Variants in KMT2A observed in about 807,000 individuals in gnomAD.
KMT2A encodes the protein histone-lysine N-methyltransferase 2A.
A neutral mutation model predicts 345.3 loss-of-function variants in KMT2A; 16 were observed. That is an observed-to-expected ratio of 0.05 (90% CI 0.03 to 0.07). KMT2A has a LOEUF of 0.07. KMT2A is among the 10% of genes least tolerant of loss of function. The probability of loss-of-function intolerance (pLI) is 1.00; values close to 1 mark genes in which losing one functional copy is unlikely to be tolerated. For missense variants in KMT2A, 3,272 were observed against 4,841.6 expected, an observed-to-expected ratio of 0.68 and a Z score of 9.62; for synonymous variants, 1,599 against 1,778.6, an observed-to-expected ratio of 0.90 and a Z score of 2.54.
chr11:118,457,148 T>C (rs1949659157), intron 1 of KMT2A, among the ~76,000 whole-genome samples: 1 of 151,360 alleles, frequency 6.6e-6, no homozygotes, highest in Non-Finnish European at 1.5e-5. Flanking sequence ...ACTTCTCTCC[T>C]ACCAGAGTCA....
intron 7 of KMT2A, 115 bp downstream of exon 7, chr11:118,482,207 G>A (rs1370341926): frequency 8.3e-7 from 1 of 1,202,906 alleles, no homozygotes; most frequent in African/African-American, 1.5e-5. Flanking sequence ...TTCAGTTCAA[G>A]AAAATCAGCT....
rs573896393 is a variant in KMT2A at position 118,468,869 on chromosome 11, C to G, written c.502+25C>G. 23 of 1,591,930 alleles carry G rather than the reference C, an allele frequency of 1.4e-5. No homozygotes were observed. In the South Asian group the frequency reaches 2.3e-4, roughly 16 times the overall value. ...GGTACGGCCAATTAAGTGCATGGTG[C>G]CTTTTAAGTTTTGTTTGTTAGGAGA... On this transcript the variant is annotated intron_variant, in intron 2 of 35. Coordinates refer to ENST00000534358, the MANE Select transcript of KMT2A (RefSeq NM_001197104.2).
At chr11:118,475,066 G>C (rs1420601277) in intron 3 of KMT2A, among the ~76,000 whole-genome samples, 1 of 152,118 alleles carries the variant, frequency 6.6e-6, no homozygotes, top group Non-Finnish European at 1.5e-5. Flanking sequence ...CCCGGAGGTA[G>C]AGATGGCAGT....
At chr11:118,457,121 A>G (rs1256764765) in intron 1 of KMT2A, among the ~76,000 whole-genome samples, 1 of 152,022 alleles carries the variant, frequency 6.6e-6, no homozygotes, top group Non-Finnish European at 1.5e-5. Flanking sequence ...TGGCAGCAAA[A>G]ATCCAAATCT....
chr11:118,491,856 G>T lies in KMT2A; in HGVS notation c.4932G>T (p.Gln1644His). 1 of 1,614,160 alleles carries T rather than the reference G, an allele frequency of 6.2e-7. No individual in the cohort carries two copies. Among genetic ancestry groups the T allele is most frequent in the Non-Finnish European group, 8.5e-7 (1 of 1,180,030 alleles). ...EWRLALEKELQISLKQVLTAL... is the reference protein window; with the variant it reads ...EWRLALEKELHISLKQVLTAL... ...GACTGGCCCTTGAAAAAGAGCTGCA[G>T]ATTTCTCTGAAGCAAGTTCTGACAG... The change falls in exon 15 of 36, where the codon CAG becomes CAT. Residue 1644 changes from glutamine to histidine, a missense_variant. By Grantham distance (24) the Gln-to-His change is conservative. Transcript: ENST00000534358. The surrounding 1 kb of genome is among the most constrained non-coding windows in gnomAD (Gnocchi z 4.2).
intron 24 of KMT2A, among the ~76,000 whole-genome samples, chr11:118,500,222 G>A (rs1224684335): frequency 6.6e-6 from 1 of 152,152 alleles, no homozygotes; most frequent in Non-Finnish European, 1.5e-5. Context: ...CAGAAGTGCA[G>A]ATTGTTTTTA....
intron 1 of KMT2A, among the ~76,000 whole-genome samples, chr11:118,455,977 C>T (rs1555030737): frequency 6.6e-6 from 1 of 152,172 alleles, no homozygotes; most frequent in African/African-American, 2.4e-5. Context: ...GCATGAGCCA[C>T]TGTGCCCAGC....
At chr11:118,488,382 A>C (rs559565422) in intron 10 of KMT2A, 139 of 540,092 alleles carry the variant, frequency 2.6e-4, no homozygotes, top group Non-Finnish European at 4.1e-4. Flanking sequence ...ATCTTGTATT[A>C]TATTTATTTT....
At position 118,504,553 on chromosome 11, in the gene KMT2A, C is replaced by T. The variant is rs2134399993; in HGVS notation, c.8661C>T (p.Asp2887=). 6.2e-7 allele frequency: 1 copy of T among 1,614,174 alleles called. No individual in the cohort carries two copies. Among genetic ancestry groups the T allele is most frequent in the South Asian group, 1.1e-5 (1 of 91,076 alleles). The change falls in exon 27 of 36, where the codon GAC becomes GAT. Residue 2887 remains aspartate, a synonymous_variant. Coordinates refer to ENST00000534358, the MANE Select transcript of KMT2A (RefSeq NM_001197104.2). The surrounding 1 kb of genome is among the most constrained non-coding windows in gnomAD (Gnocchi z 6.4). ...ATCTTGGTGAAGGATTGGGTCTTGA[C>T]AGTAATCGTGAAAAAGACATGGGTC... The part of the protein sequence containing the change: ...LLNLGEGLGL[D]SNREKDMGLF...
chr11:118,495,833 A>G lies in KMT2A; in HGVS notation c.5497A>G (p.Lys1833Glu), dbSNP rs1555043826. 6.2e-7 allele frequency: 1 copy of G among 1,614,022 alleles called. No individual in the cohort carries two copies. Residue 1833 changes from lysine (K) to glutamate (E), a missense_variant, in exon 19 of 36, where the codon AAA (lysine) becomes GAA (glutamate). Coordinates refer to ENST00000534358, the MANE Select transcript of KMT2A (RefSeq NM_001197104.2). This position sits in a 1 kb window ranked among gnomAD's most constrained non-coding sequence, Gnocchi z 4.1. ...MKKIIPAPKP[K>E]GPGEPDSPTP... is the part of the protein sequence containing the mutation. ...GAAAATCATTCCAGCTCCCAAACCC[A>G]AAGGTCCTGGAGAACCAGACTCACC...
chr11:118,468,740 G>A (rs1949892156), intron 1 of KMT2A, 35 bp from the exon 2 acceptor site: 1 of 1,563,042 alleles, frequency 6.4e-7, no homozygotes, highest in African/African-American at 1.4e-5. Flanking sequence ...GCACGTTTTT[G>A]CTTCTGATTT....
chr11:118,512,279 C>G, intron 31 of KMT2A: 1 of 514,838 alleles, frequency 1.9e-6, no homozygotes. Flanking sequence ...AAGAAACCCC[C>G]TATTCATTAG....
intron 1 of KMT2A, among the ~76,000 whole-genome samples, chr11:118,466,660 A>C (rs1482230119): frequency 6.6e-6 from 1 of 152,130 alleles, no homozygotes; most frequent in African/African-American, 2.4e-5. Flanking sequence ...TACTAAAAAT[A>C]CAAAATTAGC....
chr11:118,451,363 C>T (rs182390575), intron 1 of KMT2A, among the ~76,000 whole-genome samples: 1 of 152,076 alleles, frequency 6.6e-6, no homozygotes, highest in Non-Finnish European at 1.5e-5. Flanking sequence ...AGGCTCACAA[C>T]ACCATGCCTA....
rs145977255 is a variant in KMT2A, at chr11:118,487,396, C to T, written c.4333-1218C>T. Among the ~76,000 whole-genome samples, 347 of 152,156 alleles carry T rather than the reference C, an allele frequency of 2.3e-3. 2 individuals carry two copies. The highest frequency in any genetic ancestry group is 8.0e-3 in the African/African-American group (334 of 41,504). ...CCTGCACTGCACTCCTAAAGCATGA[C>T]CAGTGCTTGATAAACTCTCCTCCAT... On this transcript the variant is annotated intron_variant, in intron 10 of 35. Transcript: ENST00000534358.
rs1555045986 is a variant in KMT2A, at chr11:118,502,443, C to T, written c.6551C>T (p.Pro2184Leu). 1 of 1,612,828 alleles carries T rather than the reference C, an allele frequency of 6.2e-7. No individual in the cohort carries two copies. The highest frequency in any genetic ancestry group is 8.5e-7 in the Non-Finnish European group (1 of 1,179,484). The change falls in exon 27 of 36, where the codon CCT (proline) becomes CTT (leucine). Residue 2184 changes from proline (P) to leucine (L), a missense_variant. Around this residue, in one of 27 missense-constraint regions of KMT2A, gnomAD observed 14 missense variants for 38.4 expected, o/e 0.36. Coordinates refer to ENST00000534358, the MANE Select transcript of KMT2A (RefSeq NM_001197104.2). The surrounding 1 kb of genome is among the most constrained non-coding windows in gnomAD (Gnocchi z 4.9). The stretch of plus-strand genomic sequence containing the variant: ...CATGAAATAGTCACAGTAGGTGATC[C>T]TTTACTCTCCTCTGGACTTCGAAGC... ...TTHEIVTVGD[P>L]LLSSGLRSIG...
chr11:118,487,787 A>G (rs1031189786), intron 10 of KMT2A, among the ~76,000 whole-genome samples: 2 of 152,242 alleles, frequency 1.3e-5, no homozygotes, highest in Non-Finnish European at 2.9e-5. Flanking sequence ...GGTTTGACCA[A>G]TTGTCCCAAT....
At position 118,503,322 on chromosome 11, in the gene KMT2A, T is replaced by G; in HGVS notation, c.7430T>G (p.Met2477Arg). The part of the protein sequence containing the change: ...FMDEVLTPEY[M>R]GQRPCNNVSS... ...GATGAGGTTTTGACTCCTGAGTATA[T>G]GGGCCAACGACCATGTAACAATGTT... The change falls in exon 27 of 36, where the codon ATG becomes AGG. Residue 2477 changes from methionine (M) to arginine (R), a missense_variant. By Grantham distance (91) the Met-to-Arg change is moderately conservative. Around this residue, in one of 27 missense-constraint regions of KMT2A, gnomAD observed 445 missense variants for 500.9 expected, o/e 0.89. Coordinates refer to ENST00000534358, the MANE Select transcript of KMT2A (RefSeq NM_001197104.2). The surrounding 1 kb of genome is among the most constrained non-coding windows in gnomAD (Gnocchi z 5.3). 3 of 1,614,090 alleles carry G rather than the reference T, an allele frequency of 1.9e-6. No homozygotes were observed. The highest frequency in any genetic ancestry group is 2.5e-6 in the Non-Finnish European group (3 of 1,179,980).
intron 1 of KMT2A, among the ~76,000 whole-genome samples, chr11:118,441,562 G>A (rs125315): frequency 7.2e-5 from 11 of 152,084 alleles, no homozygotes; most frequent in Admixed American, 2.6e-4. Flanking sequence ...TTTCAGTCTA[G>A]GTGGTATATT....
Sources: gnomAD v4.1 joint callset for allele counts (sites outside exome capture counted in the v4.1 genomes callset) on GRCh38, gnomAD v4.1.1 for gene constraint, gnomAD v4.1.1 regional missense constraint, Gnocchi (gnomAD v3.1) non-coding constraint, MANE v1.5 for transcripts, NCBI Gene and HGNC (gene_info 2026-07-23, HGNC 2026-07-21) for gene names.